SASH1: variants seen among roughly 807,000 people sequenced by gnomAD.
SASH1 encodes the protein SAM and SH3 domain-containing protein 1.
A neutral mutation model predicts 125.2 loss-of-function variants in SASH1; 44 were observed. The observed-to-expected ratio is 0.35, with a 90% CI of 0.28 to 0.45. SASH1 has a LOEUF of 0.45. SASH1 is among the 20% of genes least tolerant of loss of function. The pLI is 1.00. For synonymous variants in SASH1, 639 were observed against 649.1 expected, an observed-to-expected ratio of 0.98 and a Z score of 0.24; for missense variants, 1,426 against 1,614.5, an observed-to-expected ratio of 0.88 and a Z score of 2.00.
intron 1 of SASH1, 102 bp from the exon 2 acceptor site, chr6:148,390,032 C>T (rs1783633868): frequency 7.4e-7 from 1 of 1,354,208 alleles, no homozygotes. Flanking sequence ...CACTTAAATA[C>T]CAACCTTTAT....
intron 1 of SASH1, among the ~76,000 whole-genome samples, chr6:148,281,718 C>G (rs903192962): frequency 6.6e-6 from 1 of 152,044 alleles, no homozygotes; most frequent in Non-Finnish European, 1.5e-5. Flanking sequence ...GTCAGGAGAT[C>G]GAGACCATCC....
intron 10 of SASH1, chr6:148,524,996 T>G: frequency 1.4e-5 from 5 of 346,088 alleles, no homozygotes; most frequent in Non-Finnish European, 2.2e-5. Context: ...TCATGGAGGG[T>G]TTTTCTTTTG....
the SASH1 span, among the ~76,000 whole-genome samples, chr6:148,260,796 C>CTTT: frequency 5.3e-3 from 550 of 104,004 alleles, 30 homozygotes; most frequent in African/African-American, 0.016. Context: ...CCTATAAGGG[C>CTTT]TTTTTTTTTT....
Position 148,521,041 on chromosome 6 carries a change from A to C in SASH1, c.1209+1148A>C, listed in dbSNP as rs879604913. On this transcript the variant is annotated intron_variant, in intron 10 of 19. Coordinates refer to ENST00000367467, the MANE Select transcript of SASH1 (RefSeq NM_015278.5). ...TTCTTCTGTACTCAGCAAGGAATAA[A>C]GTACTCACTTTCAAAGAGTAGGATG... Among the ~76,000 whole-genome samples, 4 of 152,238 alleles carry C rather than the reference A, an allele frequency of 2.6e-5. 1 individual carries two copies. The South Asian group carries it at 6.2e-4, about 24-fold the overall frequency.
At chr6:148,259,007 T>A in the SASH1 span, among the ~76,000 whole-genome samples, 1 of 152,332 alleles carries the variant, frequency 6.6e-6, no homozygotes, top group East Asian at 1.9e-4. Flanking sequence ...GTTTGCTCAT[T>A]TCATGGTTAC....
chr6:148,313,325 C>T (rs1780386876), intron 1 of SASH1, among the ~76,000 whole-genome samples: 1 of 152,120 alleles, frequency 6.6e-6, no homozygotes, highest in South Asian at 2.1e-4. Flanking sequence ...CTGCACTTTT[C>T]CTTCATGTTT....
the SASH1 span, among the ~76,000 whole-genome samples, chr6:148,238,875 G>A: frequency 6.6e-6 from 1 of 152,154 alleles, no homozygotes; most frequent in Non-Finnish European, 1.5e-5. Flanking sequence ...ATATGGGTAA[G>A]CTCAAAAATA....
intron 1 of SASH1, among the ~76,000 whole-genome samples, chr6:148,300,442 AT>A (rs34126353): frequency 0.037 from 4,035 of 108,178 alleles, 43 homozygotes; most frequent in Middle Eastern, 0.058. Flanking sequence ...CAGAAACAAG[AT>A]TTTTTTTTTT....
chr6:148,530,751 G>A (rs1781465872), intron 12 of SASH1, among the ~76,000 whole-genome samples: 1 of 152,182 alleles, frequency 6.6e-6, no homozygotes, highest in South Asian at 2.1e-4. Context: ...TATTGATGTA[G>A]CACCACGAAT....
the SASH1 span, among the ~76,000 whole-genome samples, chr6:148,234,912 A>T: frequency 6.6e-6 from 1 of 152,000 alleles, no homozygotes; most frequent in African/African-American, 2.4e-5. Flanking sequence ...GAAAATGCTT[A>T]TTCTCTAACA....
At chr6:148,218,640 C>T in the SASH1 span, among the ~76,000 whole-genome samples, 2 of 152,166 alleles carry the variant, frequency 1.3e-5, no homozygotes, top group Non-Finnish European at 2.9e-5. Context: ...GGAGGGAGAG[C>T]TTCCTCCTCC....
At chr6:148,293,569 C>T (rs901952351) in intron 1 of SASH1, among the ~76,000 whole-genome samples, 2 of 151,850 alleles carry the variant, frequency 1.3e-5, no homozygotes, top group African/African-American at 4.8e-5. Flanking sequence ...TCCCAGGCAG[C>T]GTGGGCAGAG....
chr6:148,248,288 A>G, the SASH1 span, among the ~76,000 whole-genome samples: 1 of 152,216 alleles, frequency 6.6e-6, no homozygotes, highest in Admixed American at 6.5e-5. Flanking sequence ...GGACTAGGAG[A>G]GAAGGCAGTA....
the SASH1 span, among the ~76,000 whole-genome samples, chr6:148,247,861 C>T: frequency 6.6e-6 from 1 of 152,228 alleles, no homozygotes; most frequent in Non-Finnish European, 1.5e-5. Flanking sequence ...TGGCCCCTCC[C>T]TGGGAAACCC....
At chr6:148,489,168 A>G (rs1019390532) in intron 8 of SASH1, among the ~76,000 whole-genome samples, 2 of 152,156 alleles carry the variant, frequency 1.3e-5, no homozygotes, top group African/African-American at 4.8e-5. Flanking sequence ...TATGGGTCCA[A>G]CTTCATTCAT....
At chr6:148,291,726 C>CT (rs1367360743) in intron 1 of SASH1, among the ~76,000 whole-genome samples, 13 of 150,682 alleles carry the variant, frequency 8.6e-5, no homozygotes, top group South Asian at 2.1e-4. Flanking sequence ...GACTCGGGGA[C>CT]TTTTTTTTTA....
At chr6:148,344,525 A>G (rs1381525318) in intron 1 of SASH1, among the ~76,000 whole-genome samples, 3 of 152,110 alleles carry the variant, frequency 2.0e-5, no homozygotes, top group Non-Finnish European at 4.4e-5. Context: ...AAAGATTTCT[A>G]TCTGCTCTTG....
rs1017139150 is a variant in SASH1, at chr6:148,512,507, T to C, written c.730-1817T>C. On this transcript the variant is annotated intron_variant, in intron 8 of 19. Transcript: ENST00000367467. ...TTACCCAGAATGAGGGTTAACCAAG[T>C]TCTCATTCCTCTGGTTGACCGCTCC... is the stretch of plus-strand genomic sequence containing the variant. 17 of 985,136 alleles carry C rather than the reference T, an allele frequency of 1.7e-5. No homozygotes were observed. In the Admixed American group the frequency reaches 9.8e-4, roughly 57 times the overall value. The allele number at this position is 985,136 out of a possible 1,614,324, so 61.0% of individuals were successfully genotyped here.
upstream of SASH1, among the ~76,000 whole-genome samples, chr6:148,340,490 C>CA (rs67188759): frequency 1.3e-3 from 147 of 117,298 alleles, no homozygotes; most frequent in Middle Eastern, 9.6e-3. Context: ...GACTCTGTCT[C>CA]AAAAAAAAAA....
Sources: gnomAD v4.1 joint callset for allele counts (sites outside exome capture counted in the v4.1 genomes callset) on GRCh38, gnomAD v4.1.1 for gene constraint, MANE v1.5 for transcripts, NCBI Gene and HGNC (gene_info 2026-07-23, HGNC 2026-07-21) for gene names.